Variants in CFAP43 observed in about 807,000 individuals in gnomAD.
CFAP43 encodes the protein cilia- and flagella-associated protein 43.
Under a neutral mutation model 218.9 loss-of-function variants are expected in CFAP43, and 155 were observed. That is an observed-to-expected ratio of 0.71 (90% CI 0.62 to 0.81). The LOEUF (loss-of-function observed/expected upper bound fraction) is 0.81. Among genes scored for constraint, CFAP43 ranks in the 30% least tolerant of loss-of-function variants. The probability of loss-of-function intolerance (pLI) is 0.00; values close to 1 mark genes in which losing one functional copy is unlikely to be tolerated. For synonymous variants in CFAP43, 645 were observed against 681.3 expected (o/e 0.95, Z 0.83); for missense variants, 1,778 against 1,954.3 (o/e 0.91, Z 1.70).
chr10:104,130,329 A>T (rs749474012), intron 37 of CFAP43, 24 bp from the exon 38 acceptor site: 3 of 1,592,830 alleles, frequency 1.9e-6, no homozygotes, highest in Admixed American at 3.7e-5. Flanking sequence ...GAATAAAGGA[A>T]TTCGATTATT....
chr10:104,139,464 T>TA (rs756519295), intron 34 of CFAP43, among the ~76,000 whole-genome samples: 1 of 151,372 alleles, frequency 6.6e-6, no homozygotes, highest in East Asian at 1.9e-4. Flanking sequence ...GAAAAACAAA[T>TA]AAAAAATCTC....
At chr10:104,210,979 G>C (rs2090843585) in intron 5 of CFAP43, among the ~76,000 whole-genome samples, 1 of 151,648 alleles carries the variant, frequency 6.6e-6, no homozygotes, top group African/African-American at 2.4e-5. Flanking sequence ...TTTTAGTAGA[G>C]ACGGGGTTTC....
chr10:104,188,357 T>C lies in CFAP43; in HGVS notation c.1600A>G (p.Ile534Val), dbSNP rs1422766699. 2.5e-6 allele frequency: 4 copies of C among 1,614,202 alleles called. No homozygotes were observed. Among genetic ancestry groups the C allele is most frequent in the Non-Finnish European group, 3.4e-6 (4 of 1,180,032 alleles). Residue 534 changes from isoleucine to valine, a missense_variant, in exon 13 of 38, where the codon ATA (isoleucine) becomes GTA (valine). Physicochemically the swap from Ile to Val is conservative, Grantham distance 29 (BLOSUM62 3). This residue lies in a region of CFAP43 where 1,553 missense variants were observed against 1,685.2 expected (regional missense o/e 0.92). Transcript: ENST00000357060. ...GAGGAAAGCACCATCACTTCCACTA[T>C]GTCTGTTTCTAAAAGAGACACTGTG... ...ISTVSLLETD[I>V]VEVMVLSSLP...
intron 27 of CFAP43, among the ~76,000 whole-genome samples, chr10:104,153,353 G>A (rs1454680970): frequency 5.3e-5 from 8 of 151,968 alleles, no homozygotes; most frequent in South Asian, 4.2e-4. Flanking sequence ...TGCACAACAG[G>A]GTGACTATAG....
At chr10:104,228,161 A>C (rs1359245523) in intron 2 of CFAP43, among the ~76,000 whole-genome samples, 1 of 151,876 alleles carries the variant, frequency 6.6e-6, no homozygotes, top group Non-Finnish European at 1.5e-5. Context: ...TACTATTTTC[A>C]AGTGGATTTG....
intron 19 of CFAP43, 72 bp from the exon 20 acceptor site, chr10:104,172,607 CT>C: frequency 7.6e-7 from 1 of 1,314,186 alleles, no homozygotes; most frequent in Middle Eastern, 2.5e-4. Context: ...TTCTTAGTTT[CT>C]TTTAGGCAGC....
At chr10:104,213,999 T>C (rs1270048427) in intron 4 of CFAP43, among the ~76,000 whole-genome samples, 1 of 152,234 alleles carries the variant, frequency 6.6e-6, no homozygotes, top group East Asian at 1.9e-4. Context: ...GAAAAAGCTC[T>C]CAGAGAACTT....
At position 104,166,721 on chromosome 10, in the gene CFAP43, A is replaced by G; in HGVS notation, c.2809-3T>C. The G allele has an allele frequency of 3.8e-6, 6 of 1,595,446 alleles. No homozygotes were observed. The highest frequency in any genetic ancestry group is 3.4e-6 in the Non-Finnish European group (4 of 1,171,244). ...GCCTCTACAATTTCCTTCCGTAGCTACATGTAGAAAAAGATGACACAGAAG... is the reference window on the plus strand; with the variant it reads ...GCCTCTACAATTTCCTTCCGTAGCTGCATGTAGAAAAAGATGACACAGAAG... On this transcript the variant is annotated splice_polypyrimidine_tract_variant and splice_region_variant and intron_variant, in intron 22 of 37. Transcript: ENST00000357060.
At chr10:104,175,102 A>G (rs530974553) in intron 19 of CFAP43, among the ~76,000 whole-genome samples, 1 of 150,818 alleles carries the variant, frequency 6.6e-6, no homozygotes, top group African/African-American at 2.4e-5. Context: ...AAAAAACCAA[A>G]AAGAAAATAT....
chr10:104,226,488 G>A (rs1309097317), intron 2 of CFAP43, among the ~76,000 whole-genome samples: 1 of 151,654 alleles, frequency 6.6e-6, no homozygotes, highest in Non-Finnish European at 1.5e-5. Context: ...CTAAACAGAC[G>A]TTTCCCCCCA....
chr10:104,148,996 G>A (rs1348710983), intron 28 of CFAP43, among the ~76,000 whole-genome samples: 1 of 152,034 alleles, frequency 6.6e-6, no homozygotes, highest in Admixed American at 6.6e-5. Flanking sequence ...GAACTTAAAG[G>A]TTAAAAATAA....
intron 19 of CFAP43, among the ~76,000 whole-genome samples, chr10:104,173,057 T>A (rs1426567452): frequency 6.6e-6 from 1 of 152,060 alleles, no homozygotes; most frequent in African/African-American, 2.4e-5. Context: ...CTTAAAAAAA[T>A]TCAGGAGCAA....
chr10:104,133,412 G>A (rs1238726402), intron 35 of CFAP43: 1 of 469,866 alleles, frequency 2.1e-6, no homozygotes, highest in East Asian at 3.6e-5. Context: ...TTAGCTCTGA[G>A]TAGAATGATT....
chr10:104,153,518 C>T (rs1589652528), intron 27 of CFAP43, among the ~76,000 whole-genome samples: 1 of 151,990 alleles, frequency 6.6e-6, no homozygotes, highest in African/African-American at 2.4e-5. Context: ...TCTCATGTAG[C>T]CCACAAATAT....
chr10:104,142,594 G>A (rs1381121654), intron 32 of CFAP43, among the ~76,000 whole-genome samples: 5 of 151,988 alleles, frequency 3.3e-5, no homozygotes, highest in Admixed American at 3.3e-4. Context: ...TTGCTTCTTG[G>A]TGAAAATCAA....
chr10:104,226,199 C>T (rs2091301584), intron 2 of CFAP43, among the ~76,000 whole-genome samples: 1 of 152,190 alleles, frequency 6.6e-6, no homozygotes, highest in East Asian at 1.9e-4. Context: ...TGCTGTTCTT[C>T]AGTGGGGTTC....
At chr10:104,212,522 G>C (rs531307681) in intron 4 of CFAP43, among the ~76,000 whole-genome samples, 1 of 152,046 alleles carries the variant, frequency 6.6e-6, no homozygotes, top group Non-Finnish European at 1.5e-5. Flanking sequence ...AAGCCAAGAG[G>C]GTTGTTGACA....
rs1030914658 is a variant in CFAP43, at chr10:104,161,074, A to G, written c.3503T>C (p.Val1168Ala). 6.8e-6 allele frequency: 11 copies of G among 1,612,214 alleles called. No homozygotes were observed. Among genetic ancestry groups the G allele is most frequent in the Non-Finnish European group, 9.3e-6 (11 of 1,178,532 alleles). Residue 1168 changes from valine to alanine, a missense_variant, in exon 27 of 38, where the codon GTA (valine) becomes GCA (alanine). Around this residue, in one of 3 missense-constraint regions of CFAP43, gnomAD observed 1,553 missense variants for 1,685.2 expected, o/e 0.92. Coordinates refer to ENST00000357060, the MANE Select transcript of CFAP43 (RefSeq NM_025145.7). ...RKQFKDYEKK[V>A]KELNEERDKY... ...ATCTCTTTCTTCATTTAACTCCTTT[A>G]CTTTTTTCTCATAATCTTTGAATTG... is the stretch of plus-strand genomic sequence containing the variant.
In CFAP43 at chr10:104,179,024, C is replaced by T. The variant is rs1345517791; in HGVS notation, c.2460+5G>A. 1.0e-5 allele frequency: 16 copies of T among 1,606,478 alleles called. No individual in the cohort carries two copies. The highest frequency in any genetic ancestry group is 1.3e-5 in the Non-Finnish European group (15 of 1,174,154). On this transcript the variant is annotated splice_donor_5th_base_variant and intron_variant, in intron 19 of 37. Coordinates refer to ENST00000357060, the MANE Select transcript of CFAP43 (RefSeq NM_025145.7). ...GGTATTAGAATATGAAATTACAACA[C>T]TTACAGTTTTGGAAAGTGATTTGAT... is the stretch of plus-strand genomic sequence containing the variant.
Sources: allele counts gnomAD v4.1 joint callset (sites outside exome capture counted in the v4.1 genomes callset), GRCh38; gene constraint gnomAD v4.1.1; regional missense constraint gnomAD v4.1.1; transcripts MANE v1.5; gene names NCBI Gene and HGNC (gene_info 2026-07-23, HGNC 2026-07-21).